The following PDE1A variants were observed in gnomAD, a reference collection of about 807,000 sequenced individuals.
The protein encoded by PDE1A is phosphodiesterase 1A, also known as dual specificity calcium/calmodulin-dependent 3',5'-cyclic nucleotide phosphodiesterase 1A.
In PDE1A, 35 loss-of-function variants were observed where a neutral mutation model predicts 61.7. The observed-to-expected ratio is 0.57, with a 90% CI of 0.43 to 0.75. The LOEUF (loss-of-function observed/expected upper bound fraction) is 0.75. Among genes scored for constraint, PDE1A ranks in the 30% least tolerant of loss-of-function variants. The pLI is 0.00. For synonymous variants in PDE1A, 232 were observed against 213.2 expected (o/e 1.09, Z -0.77); for missense variants, 597 against 630.6 (o/e 0.95, Z 0.57).
rs185835241 is a variant in PDE1A at position 182,195,830 on chromosome 2, G to A, written c.1125+5609C>T. On this transcript the variant is annotated intron_variant, in intron 10 of 13. Coordinates refer to ENST00000351439, the Ensembl canonical transcript of PDE1A. ...GACAGTTTTACAGATGGCTATGTGA[G>A]GATGAACAAAAATAAAACATACAAG... Among the ~76,000 whole-genome samples, 329 of 152,156 alleles carry A rather than the reference G, an allele frequency of 2.2e-3. 6 individuals are homozygous for A. The highest frequency in any genetic ancestry group is 2.4e-4 in the Non-Finnish European group (16 of 67,932).
intron 7 of PDE1A, among the ~76,000 whole-genome samples, chr2:182,221,013 A>AGAGT (rs1491405792): frequency 6.6e-6 from 1 of 151,928 alleles, no homozygotes; most frequent in Non-Finnish European, 1.5e-5. Context: ...ATTTTTATAC[A>AGAGT]GAGTTTTAAA....
intron 2 of PDE1A, among the ~76,000 whole-genome samples, chr2:182,505,343 T>C (rs1689338486): frequency 6.6e-6 from 1 of 152,230 alleles, no homozygotes; most frequent in Non-Finnish European, 1.5e-5. Context: ...ACCCACTATG[T>C]AGTTATCTAG....
At position 182,416,189 on chromosome 2, in the gene PDE1A, C is replaced by A. The variant is rs537417372; in HGVS notation, c.53+10389G>T. On this transcript the variant is annotated intron_variant, in intron 1 of 13. Coordinates refer to ENST00000351439, the Ensembl canonical transcript of PDE1A. ...TAAACTAAATATGGGATTCTACACA[C>A]CTACAAATTATCATTATTCAACATG... Among the ~76,000 whole-genome samples the A allele has an allele frequency of 4.6e-5, 7 of 152,268 alleles. No individual in the cohort carries two copies. The East Asian group carries it at 1.2e-3, about 25-fold the overall frequency.
At chr2:182,375,816 T>G (rs1363856570) in intron 1 of PDE1A, among the ~76,000 whole-genome samples, 1 of 152,232 alleles carries the variant, frequency 6.6e-6, no homozygotes, top group African/African-American at 2.4e-5. Context: ...ATACTTCTTC[T>G]GAAATCTAGG....
At chr2:182,260,374 C>A (rs1368796246) in intron 2 of PDE1A, among the ~76,000 whole-genome samples, 1 of 152,140 alleles carries the variant, frequency 6.6e-6, no homozygotes, top group Non-Finnish European at 1.5e-5. Flanking sequence ...TTTACATAAT[C>A]TCTGTTTTAC....
At position 182,231,265 on chromosome 2, in the gene PDE1A, G is replaced by A. The variant is rs952109004; in HGVS notation, c.418-134C>T. The A allele has an allele frequency of 6.2e-6, 4 of 641,260 alleles. No individual in the cohort carries two copies. The African/African-American group carries it at 7.3e-5, about 12-fold the overall frequency. 39.7% of individuals were successfully genotyped at this position (641,260 alleles called of 1,614,324 possible). ...CATGTCAAACTACACTTTGACCAGA[G>A]TTTCATAGGACAGGACCACTTAGTA... is the stretch of plus-strand genomic sequence containing the variant. On this transcript the variant is annotated intron_variant, in intron 4 of 13. Transcript: ENST00000351439.
chr2:182,352,076 G>A (rs1220066448), intron 1 of PDE1A, among the ~76,000 whole-genome samples: 1 of 152,200 alleles, frequency 6.6e-6, no homozygotes, highest in Non-Finnish European at 1.5e-5. Context: ...GCTGCCGTGT[G>A]TGCACCAAGA....
chr2:182,638,657 A>G, the PDE1A span, among the ~76,000 whole-genome samples: 1 of 152,376 alleles, frequency 6.6e-6, no homozygotes, highest in East Asian at 1.9e-4. Flanking sequence ...GAAAAACATT[A>G]GATATAATCT....
chr2:182,681,386 C>T, the PDE1A span, among the ~76,000 whole-genome samples: 24 of 151,948 alleles, frequency 1.6e-4, no homozygotes, highest in Admixed American at 2.6e-4. Flanking sequence ...GAGTTCATTG[C>T]ACCCTCAAAC....
At chr2:182,175,111 A>G (rs1269293885) in intron 13 of PDE1A, among the ~76,000 whole-genome samples, 1 of 152,156 alleles carries the variant, frequency 6.6e-6, no homozygotes, top group Non-Finnish European at 1.5e-5. Flanking sequence ...TCCATGGTGT[A>G]TACATGCCAC....
At chr2:182,194,477 A>G (rs1024675754) in intron 10 of PDE1A, among the ~76,000 whole-genome samples, 1 of 152,010 alleles carries the variant, frequency 6.6e-6, no homozygotes, top group African/African-American at 2.4e-5. Context: ...TCTGCATGAA[A>G]ACTCGAGGAG....
the PDE1A span, among the ~76,000 whole-genome samples, chr2:182,565,985 T>G: frequency 1.3e-5 from 2 of 152,154 alleles, no homozygotes; most frequent in Non-Finnish European, 2.9e-5. Context: ...GGATCAGACA[T>G]GTAGACACAG....
At chr2:182,511,253 T>A (rs1689764377) in intron 2 of PDE1A, among the ~76,000 whole-genome samples, 1 of 151,282 alleles carries the variant, frequency 6.6e-6, no homozygotes. Flanking sequence ...GACCAGACCA[T>A]CAAAAAGACC....
At chr2:182,677,433 ATGT>A in the PDE1A span, among the ~76,000 whole-genome samples, 2 of 152,234 alleles carry the variant, frequency 1.3e-5, no homozygotes, top group Non-Finnish European at 2.9e-5. Flanking sequence ...AAAACATTCC[ATGT>A]TCATGTATAA....
chr2:182,604,675 A>G, the PDE1A span, among the ~76,000 whole-genome samples: 1 of 152,210 alleles, frequency 6.6e-6, no homozygotes, highest in East Asian at 1.9e-4. Flanking sequence ...GATTAATTTT[A>G]ATTTCTGCAT....
the PDE1A span, among the ~76,000 whole-genome samples, chr2:182,661,754 C>A: frequency 1.3e-5 from 2 of 151,950 alleles, no homozygotes; most frequent in Admixed American, 6.6e-5. Context: ...CCTAAACTAG[C>A]AATAAATAGC....
At chr2:182,241,052 G>C (rs1339235061) in intron 2 of PDE1A, among the ~76,000 whole-genome samples, 1 of 152,306 alleles carries the variant, frequency 6.6e-6, no homozygotes, top group East Asian at 1.9e-4. Flanking sequence ...ACCACGCTCT[G>C]TATAAGCTCC....
At chr2:182,234,131 T>G (rs1205350980) in intron 4 of PDE1A, among the ~76,000 whole-genome samples, 5 of 152,136 alleles carry the variant, frequency 3.3e-5, no homozygotes, top group Admixed American at 6.6e-5. Context: ...CAAGTACTAG[T>G]GCCATTTCAA....
chr2:182,461,417 T>C (rs1244231918), intron 2 of PDE1A, among the ~76,000 whole-genome samples: 2 of 152,178 alleles, frequency 1.3e-5, no homozygotes, highest in Non-Finnish European at 2.9e-5. Context: ...CAACCAGGAA[T>C]ACTGAATCTG....
Sources: allele counts gnomAD v4.1 joint callset (sites outside exome capture counted in the v4.1 genomes callset), GRCh38; gene constraint gnomAD v4.1.1; transcripts MANE v1.5; gene names NCBI Gene and HGNC (gene_info 2026-07-23, HGNC 2026-07-21).